Variants in CLHC1 observed in about 807,000 individuals in gnomAD.
CLHC1 encodes the protein clathrin heavy chain linker domain-containing protein 1.
A neutral mutation model predicts 69.5 loss-of-function variants in CLHC1; 72 were observed. The observed-to-expected ratio is 1.04, with a 90% CI of 0.86 to 1.26. The LOEUF is 1.26. Ranked by LOEUF, CLHC1 falls within the 50% of genes most tolerant of loss-of-function variation. The pLI, the probability that CLHC1 is intolerant of heterozygous loss-of-function variation, is 0.00. For synonymous variants in CLHC1, 223 were observed against 224.3 expected, an observed-to-expected ratio of 0.99 and a Z score of 0.05; for missense variants, 790 against 679.3, an observed-to-expected ratio of 1.16 and a Z score of -1.81.
At chr2:55,213,623 T>C (rs1423157595) in intron 4 of CLHC1, among the ~76,000 whole-genome samples, 1 of 152,202 alleles carries the variant, frequency 6.6e-6, no homozygotes, top group East Asian at 1.9e-4. Context: ...TATCCAGAAA[T>C]GAAAATTTTA....
chr2:55,182,615 G>C (rs953526046), intron 9 of CLHC1, among the ~76,000 whole-genome samples: 1 of 152,132 alleles, frequency 6.6e-6, no homozygotes, highest in Non-Finnish European at 1.5e-5. Flanking sequence ...AGAACTACTG[G>C]ATATGGATGT....
At chr2:55,187,244 A>C (rs938920515) in intron 9 of CLHC1, among the ~76,000 whole-genome samples, 1 of 151,630 alleles carries the variant, frequency 6.6e-6, no homozygotes, top group Non-Finnish European at 1.5e-5. Flanking sequence ...GCGCCATTGC[A>C]CTCCAGCTTC....
chr2:55,183,484 T>C (rs574109747), intron 9 of CLHC1, among the ~76,000 whole-genome samples: 27 of 152,334 alleles, frequency 1.8e-4, no homozygotes, highest in African/African-American at 6.5e-4. Flanking sequence ...GTTTCATAGA[T>C]CAAAGCTTGG....
At chr2:55,183,668 A>G (rs537925711) in intron 9 of CLHC1, among the ~76,000 whole-genome samples, 3 of 152,374 alleles carry the variant, frequency 2.0e-5, no homozygotes, top group East Asian at 1.9e-4. Context: ...TTAATTCTGA[A>G]TAAGTGGCAT....
At chr2:55,196,549 GC>G (rs1306819171) in intron 9 of CLHC1, among the ~76,000 whole-genome samples, 2 of 152,036 alleles carry the variant, frequency 1.3e-5, no homozygotes, top group Non-Finnish European at 2.9e-5. Flanking sequence ...CCTATTCCAG[GC>G]CCCCCAAACT....
chr2:55,222,115 A>G (rs185669911), intron 3 of CLHC1, 120 bp downstream of exon 3: 9 of 714,808 alleles, frequency 1.3e-5, no homozygotes, highest in Admixed American at 9.8e-5. Context: ...AACTTCTCAA[A>G]ATCAGCAAAT....
chr2:55,220,478 A>C (rs1299134387), intron 3 of CLHC1, among the ~76,000 whole-genome samples: 2 of 152,236 alleles, frequency 1.3e-5, no homozygotes, highest in African/African-American at 4.8e-5. Context: ...ATTCTTTACA[A>C]GGTAAAATTT....
In CLHC1 at chr2:55,202,880, C is replaced by G. The variant is rs529064403; in HGVS notation, c.1006+3390G>C. 2.5e-5 allele frequency among the ~76,000 whole-genome samples: 3 copies of G among 122,168 alleles called. No homozygotes were observed. The South Asian group carries it at 7.8e-4, about 32-fold the overall frequency. The allele number at this position is 122,168 out of a possible 152,430, so 80.1% of individuals were successfully genotyped here. A position where few individuals can be genotyped will look rare whatever the true frequency, so the allele number is the denominator to read the frequency against. On this transcript the variant is annotated intron_variant, in intron 9 of 12. Coordinates refer to ENST00000401408, the MANE Select transcript of CLHC1 (RefSeq NM_152385.4). ...CACCACTGCACTCCAGCCTGGGTGA[C>G]AGAGTGAGACTCATCTCAAAAAAAA...
intron 9 of CLHC1, among the ~76,000 whole-genome samples, chr2:55,187,454 A>T (rs1375471059): frequency 3.9e-5 from 6 of 152,040 alleles, no homozygotes; most frequent in Non-Finnish European, 8.8e-5. Flanking sequence ...CTCTACCAAA[A>T]ATACAAAAAT....
chr2:55,196,536 G>T (rs1407510191), intron 9 of CLHC1, among the ~76,000 whole-genome samples: 3 of 152,122 alleles, frequency 2.0e-5, no homozygotes, highest in Non-Finnish European at 4.4e-5. Context: ...GAGTCATGAG[G>T]CCCCTATTCC....
chr2:55,184,280 T>C (rs1670210046), intron 9 of CLHC1, among the ~76,000 whole-genome samples: 1 of 151,946 alleles, frequency 6.6e-6, no homozygotes, highest in African/African-American at 2.4e-5. Context: ...TAATTTTTTG[T>C]ATTTTTTGCA....
chr2:55,179,075 C>CT (rs11422225), intron 11 of CLHC1, among the ~76,000 whole-genome samples: 152,127 of 152,136 alleles, frequency 1, 76,059 homozygotes, highest in Middle Eastern at 1. Context: ...ACTACAGACC[C>CT]ATCCCTAAAA....
At chr2:55,229,011 C>T (rs533803464) in intron 1 of CLHC1, among the ~76,000 whole-genome samples, 66 of 151,876 alleles carry the variant, frequency 4.3e-4, no homozygotes, top group Admixed American at 9.2e-4. Flanking sequence ...ATTAGCTGGG[C>T]GCAGGGGCTC....
chr2:55,213,182 A>G (rs1673175495), intron 4 of CLHC1, among the ~76,000 whole-genome samples: 1 of 152,228 alleles, frequency 6.6e-6, no homozygotes, highest in African/African-American at 2.4e-5. Context: ...ACAGAAATTT[A>G]TTCTCTTACA....
intron 4 of CLHC1, among the ~76,000 whole-genome samples, chr2:55,217,556 T>TAA (rs1310165284): frequency 3.4e-5 from 1 of 29,548 alleles, no homozygotes; most frequent in African/African-American, 2.0e-4. Flanking sequence ...AAAAAAAATA[T>TAA]ATATATATAT....
In CLHC1 at chr2:55,209,534, G is replaced by A. The variant is rs746976623; in HGVS notation, c.702-18C>T. The A allele has an allele frequency of 1.8e-5, 28 of 1,579,476 alleles. No homozygotes were observed. The South Asian group carries it at 2.2e-4, about 12-fold the overall frequency. ...TTTGATGACTAAAAAGATAAAAAAC[G>A]TCAATAACACACTGAGCCTAAAATC... On this transcript the variant is annotated intron_variant, in intron 6 of 12. Coordinates refer to ENST00000401408, the MANE Select transcript of CLHC1 (RefSeq NM_152385.4).
At chr2:55,198,538 T>C (rs914657145) in intron 9 of CLHC1, among the ~76,000 whole-genome samples, 1 of 151,292 alleles carries the variant, frequency 6.6e-6, no homozygotes, top group Non-Finnish European at 1.5e-5. Context: ...TGAGCCGAGA[T>C]CACACCACTG....
intron 9 of CLHC1, among the ~76,000 whole-genome samples, chr2:55,187,487 C>T (rs897680783): frequency 6.6e-6 from 1 of 151,768 alleles, no homozygotes; most frequent in African/African-American, 2.4e-5. Context: ...GTGGTGCATG[C>T]CTCTAGTCCC....
intron 9 of CLHC1, among the ~76,000 whole-genome samples, chr2:55,183,050 T>C (rs554382864): frequency 5.9e-5 from 9 of 152,244 alleles, no homozygotes; most frequent in African/African-American, 1.9e-4. Context: ...ACTGCACCAG[T>C]TGAGTAAGAC....
Sources: allele counts gnomAD v4.1 joint callset (sites outside exome capture counted in the v4.1 genomes callset), GRCh38; gene constraint gnomAD v4.1.1; transcripts MANE v1.5; gene names NCBI Gene and HGNC (gene_info 2026-07-23, HGNC 2026-07-21).